Variants in PKP4 observed in about 807,000 individuals in gnomAD.
The protein encoded by PKP4 is plakophilin 4.
PKP4 carries 90 observed loss-of-function variants against 145.1 expected under a neutral mutation model. The observed-to-expected ratio is 0.62, with a 90% CI of 0.52 to 0.74. PKP4 has a LOEUF of 0.74. PKP4 is among the 30% of genes least tolerant of loss of function. The probability of loss-of-function intolerance (pLI) is 0.00; values close to 1 mark genes in which losing one functional copy is unlikely to be tolerated. For synonymous variants in PKP4, 563 were observed against 577.2 expected, an observed-to-expected ratio of 0.98 and a Z score of 0.35; for missense variants, 1,340 against 1,482.7, an observed-to-expected ratio of 0.90 and a Z score of 1.58.
intron 3 of PKP4, among the ~76,000 whole-genome samples, chr2:158,592,557 C>G (rs1170119399): frequency 6.6e-6 from 1 of 152,018 alleles, no homozygotes; most frequent in Non-Finnish European, 1.5e-5. Context: ...GTATTATGCT[C>G]TCTCTTTTCA....
intron 1 of PKP4, among the ~76,000 whole-genome samples, chr2:158,472,455 C>T (rs934890561): frequency 2.0e-5 from 3 of 150,770 alleles, no homozygotes; most frequent in African/African-American, 4.9e-5. Context: ...TAAAAAAATA[C>T]AAAAAAAATT....
intron 2 of PKP4, among the ~76,000 whole-genome samples, chr2:158,575,270 T>C (rs1162985880): frequency 6.6e-6 from 1 of 152,196 alleles, no homozygotes; most frequent in Non-Finnish European, 1.5e-5. Context: ...ACAAGTGTCC[T>C]CTTTGCTGGA....
chr2:158,678,547 A>C, intron 20 of PKP4, 34 bp from the exon 21 acceptor site: 1 of 1,444,048 alleles, frequency 6.9e-7, no homozygotes, highest in Non-Finnish European at 9.8e-7. Flanking sequence ...AGTAATAAGC[A>C]CTAGTTTTAA....
chr2:158,595,344 G>A (rs927928897), intron 3 of PKP4, among the ~76,000 whole-genome samples: 5 of 152,050 alleles, frequency 3.3e-5, no homozygotes, highest in African/African-American at 4.8e-5. Flanking sequence ...ATGAGCTCAC[G>A]GACATTCTTC....
At chr2:158,503,965 CTTTTTTTTTTT>C (rs59715903) in intron 1 of PKP4, among the ~76,000 whole-genome samples, 1 of 86,904 alleles carries the variant, frequency 1.2e-5, no homozygotes, top group Admixed American at 1.2e-4. Context: ...TAAATTCTGG[CTTTTTTTTTTT>C]TTTTTTTTTT....
intron 9 of PKP4, among the ~76,000 whole-genome samples, chr2:158,635,883 A>C (rs1176209092): frequency 6.6e-6 from 1 of 151,488 alleles, no homozygotes; most frequent in Non-Finnish European, 1.5e-5. Flanking sequence ...AAAGCTCATG[A>C]CAACTGTTAA....
chr2:158,585,890 C>A (rs376234394), intron 3 of PKP4, among the ~76,000 whole-genome samples: 99 of 133,120 alleles, frequency 7.4e-4, no homozygotes, highest in South Asian at 9.6e-4. Context: ...TTTATCATTC[C>A]AAAAAAAAAA....
chr2:158,567,893 G>T (rs1251636478), intron 2 of PKP4, among the ~76,000 whole-genome samples: 3 of 152,212 alleles, frequency 2.0e-5, no homozygotes, highest in African/African-American at 7.2e-5. Flanking sequence ...CACTTAATGT[G>T]CAAGGAATGG....
At chr2:158,609,040 C>T (rs1207716899) in intron 4 of PKP4, among the ~76,000 whole-genome samples, 1 of 151,736 alleles carries the variant, frequency 6.6e-6, no homozygotes, top group Non-Finnish European at 1.5e-5. Context: ...TGGTCTCGAA[C>T]TCCTAACCTC....
At chr2:158,539,636 A>G (rs933622107) in intron 2 of PKP4, among the ~76,000 whole-genome samples, 1 of 152,312 alleles carries the variant, frequency 6.6e-6, no homozygotes. Flanking sequence ...AGTTATTGTT[A>G]CCGTGTAACC....
At chr2:158,588,608 T>C (rs895272107) in intron 3 of PKP4, among the ~76,000 whole-genome samples, 2 of 152,152 alleles carry the variant, frequency 1.3e-5, no homozygotes, top group African/African-American at 4.8e-5. Context: ...CCTAGTACAT[T>C]GTAGAACAAA....
chr2:158,546,168 A>T (rs544571287), intron 2 of PKP4, among the ~76,000 whole-genome samples: 1 of 152,340 alleles, frequency 6.6e-6, no homozygotes, highest in East Asian at 1.9e-4. Context: ...AGTATACTTT[A>T]AGTGGTATTA....
intron 1 of PKP4, among the ~76,000 whole-genome samples, chr2:158,461,516 G>A (rs535209393): frequency 1.2e-3 from 177 of 152,226 alleles, no homozygotes; most frequent in African/African-American, 4.0e-3. Context: ...TTAAAATGTG[G>A]AAGTGTCTGA....
chr2:158,525,653 T>C (rs1354508181), intron 1 of PKP4, among the ~76,000 whole-genome samples: 1 of 118,400 alleles, frequency 8.4e-6, no homozygotes, highest in Non-Finnish European at 1.7e-5. Flanking sequence ...CTGAAGGAAA[T>C]AGAGACACAG....
intron 3 of PKP4, among the ~76,000 whole-genome samples, chr2:158,581,934 TTTTA>T (rs2048365718): frequency 1.3e-5 from 2 of 152,182 alleles, no homozygotes; most frequent in African/African-American, 4.8e-5. Flanking sequence ...TTTCCATTGG[TTTTA>T]TTTACTTCTT....
intron 2 of PKP4, among the ~76,000 whole-genome samples, chr2:158,565,884 T>G (rs1024501090): frequency 1.3e-5 from 2 of 152,210 alleles, no homozygotes; most frequent in Non-Finnish European, 2.9e-5. Flanking sequence ...AGTGATGATA[T>G]TATTGAAACC....
chr2:158,658,932 AG>A (rs2056262560), intron 12 of PKP4: 2 of 152,422 alleles, frequency 1.3e-5, no homozygotes, highest in Non-Finnish European at 2.9e-5. Context: ...GCACAGGGAC[AG>A]AGAGAGTGGG....
intron 17 of PKP4, among the ~76,000 whole-genome samples, chr2:158,673,413 C>T (rs944983227): frequency 7.9e-5 from 12 of 152,238 alleles, no homozygotes; most frequent in African/African-American, 2.7e-4. Context: ...CAGAGATCCT[C>T]AGCTCAGGTT....
intron 11 of PKP4, among the ~76,000 whole-genome samples, chr2:158,646,368 A>T (rs1482909559): frequency 6.6e-6 from 1 of 152,242 alleles, no homozygotes; most frequent in African/African-American, 2.4e-5. Flanking sequence ...GTTGGACCAG[A>T]AGACTTCAGA....
Sources: gnomAD v4.1 joint callset for allele counts (sites outside exome capture counted in the v4.1 genomes callset) on GRCh38, gnomAD v4.1.1 for gene constraint, MANE v1.5 for transcripts, NCBI Gene and HGNC (gene_info 2026-07-23, HGNC 2026-07-21) for gene names.